TNRC6C: variants seen among roughly 807,000 people sequenced by gnomAD.
TNRC6C encodes the protein trinucleotide repeat containing adaptor 6C.
Under a neutral mutation model 153.7 loss-of-function variants are expected in TNRC6C, and 20 were observed. The ratio of observed to expected loss-of-function variants is 0.13; its 90% CI spans 0.09 to 0.19. The LOEUF (loss-of-function observed/expected upper bound fraction) is 0.19. TNRC6C is among the 10% of genes least tolerant of loss of function. The pLI is 1.00. For synonymous variants in TNRC6C, 811 were observed against 841.4 expected (o/e 0.96, Z 0.63); for missense variants, 1,987 against 2,172.0 (o/e 0.91, Z 1.69).
intron 1 of TNRC6C, among the ~76,000 whole-genome samples, chr17:77,984,732 T>A (rs1296063854): frequency 1.3e-5 from 2 of 152,086 alleles, no homozygotes; most frequent in African/African-American, 4.8e-5. Context: ...CTCTTCTAGG[T>A]CTTTCTGCTA....
In TNRC6C at chr17:78,079,666, G is replaced by C; in HGVS notation, c.3357+125G>C. ...GGAGTTAATCCATGTTTAAGAGAAGGCCTTCTGGTTTTTAACCTATAAATT... is the reference window on the plus strand; with the variant it reads ...GGAGTTAATCCATGTTTAAGAGAAGCCCTTCTGGTTTTTAACCTATAAATT... On this transcript the variant is annotated intron_variant, in intron 10 of 19. Coordinates refer to ENST00000301624, the Ensembl canonical transcript of TNRC6C. This position sits in a 1 kb window ranked among gnomAD's most constrained non-coding sequence, Gnocchi z 4.3. The C allele has an allele frequency of 7.9e-7, 1 of 1,273,742 alleles. No individual in the cohort carries two copies. 78.9% of individuals were successfully genotyped at this position (1,273,742 alleles called of 1,614,324 possible). A position where few individuals can be genotyped will look rare whatever the true frequency, so the allele number is the denominator to read the frequency against.
At chr17:77,974,919 C>T (rs1272625244) in intron 1 of TNRC6C, among the ~76,000 whole-genome samples, 2 of 152,140 alleles carry the variant, frequency 1.3e-5, no homozygotes, top group African/African-American at 2.4e-5. Context: ...AATTCCATGC[C>T]TTTTGCCATA....
chr17:78,022,572 A>G (rs184371485), intron 1 of TNRC6C, among the ~76,000 whole-genome samples: 24 of 152,194 alleles, frequency 1.6e-4, no homozygotes, highest in African/African-American at 5.5e-4. Context: ...TGGGTCAGTC[A>G]TCTCAGCCAT....
intron 3 of TNRC6C, among the ~76,000 whole-genome samples, chr17:78,063,276 A>G (rs2072805786): frequency 6.7e-6 from 1 of 148,604 alleles, no homozygotes; most frequent in African/African-American, 2.5e-5. Context: ...AATAATATAT[A>G]TATATGTATA....
chr17:78,094,335 G>A (rs948843864), intron 16 of TNRC6C, among the ~76,000 whole-genome samples: 1 of 151,786 alleles, frequency 6.6e-6, no homozygotes, highest in African/African-American at 2.4e-5. Context: ...ATTGCCATAG[G>A]TACTATCACT....
At chr17:78,006,228 C>T (rs2071492791) in intron 1 of TNRC6C, among the ~76,000 whole-genome samples, 1 of 152,142 alleles carries the variant, frequency 6.6e-6, no homozygotes, top group South Asian at 2.1e-4. Context: ...CTCTGAACCT[C>T]TAGACTAGAG....
At chr17:77,993,337 G>A (rs1275022731) in intron 1 of TNRC6C, among the ~76,000 whole-genome samples, 2 of 152,162 alleles carry the variant, frequency 1.3e-5, no homozygotes, top group Non-Finnish European at 2.9e-5. Flanking sequence ...CTTTATGAGA[G>A]TAATAGGAAA....
At chr17:77,970,986 G>A (rs1218672775) in intron 1 of TNRC6C, among the ~76,000 whole-genome samples, 1 of 152,080 alleles carries the variant, frequency 6.6e-6, no homozygotes, top group Non-Finnish European at 1.5e-5. Context: ...TTTGGCATGG[G>A]TGATAGACCT....
Position 78,064,700 on chromosome 17 carries a change from TAC to T in TNRC6C, c.2396-21_2396-20del. On this transcript the variant is annotated intron_variant, in intron 3 of 19. Transcript: ENST00000301624. ...TCTGATGCACTTTCATTATTTTCTCTACCCCTTGGAACCTTTTTCAGTTTCAT... is the reference window on the plus strand; with the variant it reads ...TCTGATGCACTTTCATTATTTTCTCTCCCTTGGAACCTTTTTCAGTTTCAT... 6.2e-7 allele frequency: 1 copy of T among 1,609,682 alleles called. No homozygotes were observed. The highest frequency in any genetic ancestry group is 8.5e-7 in the Non-Finnish European group (1 of 1,177,632).
chr17:77,961,157 C>CT (rs1219661580), intron 1 of TNRC6C, among the ~76,000 whole-genome samples: 4,071 of 136,456 alleles, frequency 0.03, 85 homozygotes, highest in East Asian at 0.11. Flanking sequence ...CTCGGTTTTA[C>CT]TTTTTTTTTT....
chr17:78,035,468 G>A (rs1354847314), intron 2 of TNRC6C, among the ~76,000 whole-genome samples: 2 of 152,202 alleles, frequency 1.3e-5, no homozygotes, highest in African/African-American at 2.4e-5. Flanking sequence ...ATAGTTGTTA[G>A]TGTGAGACTG....
chr17:77,977,891 C>CTTTTT (rs528315933), intron 1 of TNRC6C, among the ~76,000 whole-genome samples: 92 of 114,140 alleles, frequency 8.1e-4, no homozygotes, highest in African/African-American at 2.4e-3. Context: ...TTTAAAACCT[C>CTTTTT]TTTTTTTTTT....
chr17:78,107,927 GCTAA>G (rs1342168389), exon 20 of TNRC6C: 4 of 152,106 alleles, frequency 2.6e-5, no homozygotes, highest in African/African-American at 9.7e-5. Context: ...AATCACCTTC[GCTAA>G]CTTTCACCAA....
intron 1 of TNRC6C, among the ~76,000 whole-genome samples, chr17:78,027,496 G>GA (rs933509338): frequency 2.6e-5 from 4 of 151,552 alleles, no homozygotes; most frequent in East Asian, 1.9e-4. Flanking sequence ...ACTCTGGCTA[G>GA]AAAAAAAACA....
chr17:77,965,124 G>A (rs894335594), intron 1 of TNRC6C, among the ~76,000 whole-genome samples: 1 of 152,152 alleles, frequency 6.6e-6, no homozygotes, highest in Non-Finnish European at 1.5e-5. Flanking sequence ...CTGTGAAGTG[G>A]TTGCTTTTAA....
chr17:78,033,348 A>G (rs1342353764), intron 2 of TNRC6C, among the ~76,000 whole-genome samples: 1 of 152,222 alleles, frequency 6.6e-6, no homozygotes, highest in African/African-American at 2.4e-5. Flanking sequence ...TATCTAAGAA[A>G]ATACTCCTAG....
chr17:77,998,570 G>A (rs909969292), intron 1 of TNRC6C, among the ~76,000 whole-genome samples: 18 of 152,110 alleles, frequency 1.2e-4, no homozygotes, highest in East Asian at 9.7e-4. Flanking sequence ...TTAAGTTCAC[G>A]TACTCTTTCC....
intron 11 of TNRC6C, among the ~76,000 whole-genome samples, chr17:78,084,314 C>A (rs978496132): frequency 4.3e-4 from 57 of 133,192 alleles, no homozygotes; most frequent in Non-Finnish European, 9.2e-4. Context: ...GACCAGGAAT[C>A]ATGAAGGAGA....
intron 16 of TNRC6C, among the ~76,000 whole-genome samples, chr17:78,096,562 G>T (rs911943129): frequency 6.6e-6 from 1 of 152,254 alleles, no homozygotes; most frequent in African/African-American, 2.4e-5. Context: ...ACGTGTCCAG[G>T]AGGTGCCACA....
Sources: allele counts gnomAD v4.1 joint callset (sites outside exome capture counted in the v4.1 genomes callset), GRCh38; gene constraint gnomAD v4.1.1; non-coding constraint Gnocchi (gnomAD v3.1); transcripts MANE v1.5; gene names NCBI Gene and HGNC (gene_info 2026-07-23, HGNC 2026-07-21).